Variants in TBC1D7 observed in about 807,000 individuals in gnomAD.
TBC1D7 encodes the protein TBC1 domain family member 7, also known as TBC domain family 7.
TBC1D7 carries 33 observed loss-of-function variants against 35.3 expected under a neutral mutation model. The observed-to-expected ratio is 0.93, with a 90% confidence interval of 0.71 to 1.25. The LOEUF (loss-of-function observed/expected upper bound fraction) is 1.25. TBC1D7 is among the 50% of genes most tolerant of loss of function. TBC1D7 has a pLI of 0.00. For synonymous variants in TBC1D7, 135 were observed against 129.5 expected (o/e 1.04, Z -0.29); for missense variants, 362 against 365.3 (o/e 0.99, Z 0.07).
At position 13,316,577 on chromosome 6, in the gene TBC1D7, G is replaced by A. The variant is rs771474987; in HGVS notation, c.513C>T (p.Pro171=). 1.2e-6 allele frequency: 2 copies of A among 1,606,146 alleles called. No homozygotes were observed. Among genetic ancestry groups the A allele is most frequent in the East Asian group, 2.2e-5 (1 of 44,818 alleles). ...AAAAAAAAAAAGCCCTCACCAACTG[G>A]GGCAAGGAATCCCGGTACTTGGTAT... ...QLNTKYRDSL[P]QLPKAFEQYL... The change falls in exon 5 of 8, where the codon CCC becomes CCT. Residue 171 remains proline (P), a synonymous_variant. Transcript: ENST00000379300.
In TBC1D7 at chr6:13,316,574, C is replaced by A; in HGVS notation, c.516G>T (p.Gln172His). The part of the protein sequence containing the change: ...LNTKYRDSLP[Q>H]LPKAFEQYLN... The stretch of plus-strand genomic sequence containing the variant: ...AAAAAAAAAAAAAAGCCCTCACCAA[C>A]TGGGGCAAGGAATCCCGGTACTTGG... The change falls in exon 5 of 8, where the codon CAG becomes CAT. Residue 172 changes from glutamine to histidine, a missense_variant. Coordinates refer to ENST00000379300, the MANE Select transcript of TBC1D7 (RefSeq NM_016495.6). 6.3e-7 allele frequency: 1 copy of A among 1,595,522 alleles called. No homozygotes were observed. Among genetic ancestry groups the A allele is most frequent in the Non-Finnish European group, 8.5e-7 (1 of 1,174,688 alleles).
At chr6:13,319,678 T>A (rs1202253062) in intron 4 of TBC1D7, 1 of 152,174 alleles carries the variant, frequency 6.6e-6, no homozygotes, top group African/African-American at 2.4e-5. Context: ...ATGTAACATT[T>A]GAGGACACTG....
At chr6:13,310,472 T>C (rs1486276784) in intron 5 of TBC1D7, among the ~76,000 whole-genome samples, 1 of 151,280 alleles carries the variant, frequency 6.6e-6, no homozygotes, top group Non-Finnish European at 1.5e-5. Context: ...ACCCCATCTC[T>C]ACTAAAAATA....
At chr6:13,312,811 A>G (rs1783326561) in intron 5 of TBC1D7, among the ~76,000 whole-genome samples, 2 of 151,770 alleles carry the variant, frequency 1.3e-5, no homozygotes, top group South Asian at 4.1e-4. Flanking sequence ...AAATGCTGGC[A>G]AATCTCATTG....
intron 5 of TBC1D7, among the ~76,000 whole-genome samples, chr6:13,312,136 C>G (rs1460108982): frequency 6.6e-6 from 1 of 152,128 alleles, no homozygotes; most frequent in African/African-American, 2.4e-5. Flanking sequence ...GTATCCTCAT[C>G]TGTAAAAACA....
At chr6:13,306,124 C>A in intron 7 of TBC1D7, 2 of 262,594 alleles carry the variant, frequency 7.6e-6, no homozygotes, top group Non-Finnish European at 1.4e-5. Context: ...TAAAAATACA[C>A]TGTATGATTT....
chr6:13,322,085 C>T (rs1486347718), intron 3 of TBC1D7, among the ~76,000 whole-genome samples: 2 of 151,946 alleles, frequency 1.3e-5, no homozygotes, highest in East Asian at 3.9e-4. Flanking sequence ...CCTGTCTCTA[C>T]AAAAAATTAG....
At chr6:13,327,505 G>A (rs1442796558) in intron 1 of TBC1D7, among the ~76,000 whole-genome samples, 1 of 152,090 alleles carries the variant, frequency 6.6e-6, no homozygotes, top group Admixed American at 6.5e-5. Flanking sequence ...AAAGCCACGA[G>A]TTCCTCACTT....
chr6:13,310,552 C>G lies in TBC1D7; in HGVS notation c.520-2807G>C, dbSNP rs148141085. ...ACTTGGGAGGCTGAGGCAGGAGAAT[C>G]ACTTGAACCTGGGAGGCAGAGGTTG... On this transcript the variant is annotated intron_variant, in intron 5 of 7. Transcript: ENST00000379300. Among the ~76,000 whole-genome samples, 1,097 of 150,764 alleles carry G rather than the reference C, an allele frequency of 7.3e-3. 12 individuals carry two copies. The highest frequency in any genetic ancestry group is 0.025 in the African/African-American group (1,042 of 41,014).
intron 4 of TBC1D7, chr6:13,320,415 T>TA (rs1783947260): frequency 3.2e-6 from 1 of 310,248 alleles, no homozygotes. Context: ...GAATCTGAGG[T>TA]AATAGGGAAT....
intron 5 of TBC1D7, among the ~76,000 whole-genome samples, chr6:13,312,570 T>C (rs1301115689): frequency 6.6e-6 from 1 of 151,548 alleles, no homozygotes; most frequent in East Asian, 1.9e-4. Context: ...CTCGTGCCTG[T>C]AGTCCCAGCT....
intron 5 of TBC1D7, 58 bp downstream of exon 5, chr6:13,316,512 GA>G: frequency 6.4e-7 from 1 of 1,562,632 alleles, no homozygotes; most frequent in South Asian, 1.2e-5. Context: ...AGCACTCCCT[GA>G]AGACCCCCAC....
chr6:13,313,457 C>G (rs1158381521), intron 5 of TBC1D7, among the ~76,000 whole-genome samples: 1 of 152,080 alleles, frequency 6.6e-6, no homozygotes, highest in Non-Finnish European at 1.5e-5. Context: ...GGATGAGCAG[C>G]CAGGCAGTTC....
At chr6:13,317,387 CAT>C (rs1783708223) in intron 4 of TBC1D7, among the ~76,000 whole-genome samples, 1 of 152,170 alleles carries the variant, frequency 6.6e-6, no homozygotes, top group Non-Finnish European at 1.5e-5. Flanking sequence ...AACACCATAT[CAT>C]ATACAAAAAG....
intron 4 of TBC1D7, 26 bp from the exon 5 acceptor site, chr6:13,316,734 G>C (rs1783654440): frequency 6.2e-6 from 10 of 1,610,874 alleles, no homozygotes; most frequent in East Asian, 2.2e-5. Flanking sequence ...TAAATCTCAA[G>C]AGGAAGGCAG....
intron 3 of TBC1D7, 65 bp downstream of exon 3, chr6:13,325,029 G>A (rs1469817759): frequency 1.3e-5 from 16 of 1,235,112 alleles, no homozygotes; most frequent in Admixed American, 4.1e-5. Flanking sequence ...TGACTGATAA[G>A]ATAGCAAATG....
At chr6:13,324,413 C>G (rs1207380536) in intron 3 of TBC1D7, among the ~76,000 whole-genome samples, 1 of 152,092 alleles carries the variant, frequency 6.6e-6, no homozygotes, top group African/African-American at 2.4e-5. Context: ...CAGGTGTGAG[C>G]CACCGCGCCC....
chr6:13,316,700 A>T lies in TBC1D7; in HGVS notation c.390T>A (p.Asp130Glu), dbSNP rs1783649654. 6.2e-7 allele frequency: 1 copy of T among 1,613,758 alleles called. No homozygotes were observed. Among genetic ancestry groups the T allele is most frequent in the Admixed American group, 1.7e-5 (1 of 59,914 alleles). The change falls in exon 5 of 8, where the codon GAT (aspartate) becomes GAA (glutamate). Residue 130 changes from aspartate (D) to glutamate (E), a missense_variant. By Grantham distance (45) the Asp-to-Glu change is conservative. Transcript: ENST00000379300. Reference sequence around the variant, plus strand: ...TAGCTATGGCAAGAAACACTTCATCATCTGGCTCCTGAAAGATTAATAATA... The same window carrying T: ...TAGCTATGGCAAGAAACACTTCATCTTCTGGCTCCTGAAAGATTAATAATA... ...PRSPSFPLEP[D>E]DEVFLAIAKA... is the part of the protein sequence containing the mutation.
intron 5 of TBC1D7, among the ~76,000 whole-genome samples, chr6:13,315,043 CCT>C (rs1469363323): frequency 7.9e-5 from 12 of 152,220 alleles, no homozygotes; most frequent in Middle Eastern, 3.4e-3. Context: ...TCACAGAGCC[CCT>C]GTTTTAGTAG....
Sources: allele counts gnomAD v4.1 joint callset (sites outside exome capture counted in the v4.1 genomes callset), GRCh38; gene constraint gnomAD v4.1.1; transcripts MANE v1.5; gene names NCBI Gene and HGNC (gene_info 2026-07-23, HGNC 2026-07-21).